Variants in KLF6 observed in about 807,000 individuals in gnomAD.
KLF6 encodes Krueppel-like factor 6.
For missense variants in KLF6, 233 were observed against 359.8 expected (o/e 0.65, Z 2.85); for synonymous variants, 152 against 147.9 (o/e 1.03, Z -0.20).
rs762752613 is a variant in KLF6, at chr10:3,784,928, C to G, written c.87G>C (p.Glu29Asp). The G allele has an allele frequency of 6.2e-7, 1 of 1,606,308 alleles. No homozygotes were observed. The stretch of plus-strand genomic sequence containing the variant: ...CTGCGTTTACCTGTTGCCAGTACTC[C>G]TCCAGAGACGGCAGCGCCGAGAAGT... Reference protein sequence around the residue: ...TGYFSALPSLEEYWQQTCLEL... With the variant: ...TGYFSALPSLDEYWQQTCLEL... The change falls in exon 1 of 4, where the codon GAG becomes GAC. Residue 29 changes from glutamate (E) to aspartate (D), a missense_variant. Glu to Asp is a conservative substitution (Grantham distance 45). Coordinates refer to ENST00000497571, the MANE Select transcript of KLF6 (RefSeq NM_001300.6).
At position 3,777,002 on chromosome 10, in the gene KLF6, CA is replaced by C; in HGVS notation, c.*2536del. 1 of 516,020 alleles carries C rather than the reference CA, an allele frequency of 1.9e-6. No individual in the cohort carries two copies. Among genetic ancestry groups the C allele is most frequent in the Non-Finnish European group, 3.8e-6 (1 of 265,342 alleles). The allele number at this position is 516,020 out of a possible 1,614,324, so 32.0% of individuals were successfully genotyped here. A position where few individuals can be genotyped will look rare whatever the true frequency, so the allele number is the denominator to read the frequency against. ...TGTTATGGCTAAGCACATAGAAGGC[CA>C]AAAAAGGAGTTTTCCAAACCCAGCA... On this transcript the variant is annotated 3_prime_UTR_variant, in exon 4 of 4. Coordinates refer to ENST00000497571, the MANE Select transcript of KLF6 (RefSeq NM_001300.6).
chr10:3,779,605 C>T lies in KLF6; in HGVS notation c.801-15G>A. ...TGGAAAAACACCTGCAAGGGCAAAT[C>T]AGAAGCACAGAAGAAGTTAGGTTCC... is the stretch of plus-strand genomic sequence containing the variant. On this transcript the variant is annotated splice_polypyrimidine_tract_variant and intron_variant, in intron 3 of 3. Coordinates refer to ENST00000497571, the MANE Select transcript of KLF6 (RefSeq NM_001300.6). 1 of 1,613,608 alleles carries T rather than the reference C, an allele frequency of 6.2e-7. No individual in the cohort carries two copies. Among genetic ancestry groups the T allele is most frequent in the Admixed American group, 1.7e-5 (1 of 60,026 alleles).
Position 3,781,103 on chromosome 10 carries a change from T to C in KLF6, c.676+538A>G, listed in dbSNP as rs544229613. On this transcript the variant is annotated intron_variant, in intron 2 of 3. Coordinates refer to ENST00000497571, the MANE Select transcript of KLF6 (RefSeq NM_001300.6). This position sits in a 1 kb window ranked among gnomAD's most constrained non-coding sequence, Gnocchi z 5.8. Reference sequence around the variant, plus strand: ...TTCATTAAGAAACTGTTTCAAGCGGTATCAGAAACAAAGGCTGCATGAGAC... The same window carrying C: ...TTCATTAAGAAACTGTTTCAAGCGGCATCAGAAACAAAGGCTGCATGAGAC... 5.2e-6 allele frequency: 1 copy of C among 193,014 alleles called. No individual in the cohort carries two copies. Among genetic ancestry groups the C allele is most frequent in the Admixed American group, 5.6e-5 (1 of 17,920 alleles). The allele number at this position is 193,014 out of a possible 1,614,324, so 12.0% of individuals were successfully genotyped here.
rs368648910 is a variant in KLF6 at position 3,780,237 on chromosome 10, G to A, written c.677-8C>T. The A allele has an allele frequency of 1.2e-5, 19 of 1,613,442 alleles. 1 individual carries two copies. The highest frequency in any genetic ancestry group is 2.2e-5 in the East Asian group (1 of 44,900). ...ATCTGTAAGGCTTTTCTCCTGGGGA[G>A]AGAGCACAGGACAAGCAGCCCATGA... On this transcript the variant is annotated splice_region_variant and splice_polypyrimidine_tract_variant and intron_variant, in intron 2 of 3. Transcript: ENST00000497571. This position sits in a 1 kb window ranked among gnomAD's most constrained non-coding sequence, Gnocchi z 4.6.
Position 3,781,208 on chromosome 10 carries a change from G to T in KLF6, c.676+433C>A. The T allele has an allele frequency of 2.4e-6, 1 of 410,320 alleles. No individual in the cohort carries two copies. Among genetic ancestry groups the T allele is most frequent in the Non-Finnish European group, 4.3e-6 (1 of 230,768 alleles). The allele number at this position is 410,320 out of a possible 1,614,324, so 25.4% of individuals were successfully genotyped here. A position where few individuals can be genotyped will look rare whatever the true frequency, so the allele number is the denominator to read the frequency against. On this transcript the variant is annotated intron_variant, in intron 2 of 3. Transcript: ENST00000497571. This position sits in a 1 kb window ranked among gnomAD's most constrained non-coding sequence, Gnocchi z 5.8. ...GCCGGTCCCACTCGGGCCTCGGGCC[G>T]TCAGCATCAAACCCACACACTCCAC...
rs1832613054 is a variant in KLF6 at position 3,784,787 on chromosome 10, C to T, written c.102+126G>A. On this transcript the variant is annotated intron_variant, in intron 1 of 3. Coordinates refer to ENST00000497571, the MANE Select transcript of KLF6 (RefSeq NM_001300.6). ...GATCGATCGGCGGGGGCGCTGCGCC[C>T]GCTCCCCCGGTGACAGCGCGGGGCC... The T allele has an allele frequency of 8.0e-6, 7 of 874,074 alleles. No individual in the cohort carries two copies. In the Admixed American group the frequency reaches 2.4e-4, roughly 30 times the overall value. 54.1% of individuals were successfully genotyped at this position (874,074 alleles called of 1,614,324 possible).
Position 3,782,264 on chromosome 10 carries a change from G to T in KLF6, c.103-50C>A. 6.6e-7 allele frequency: 1 copy of T among 1,514,536 alleles called. No individual in the cohort carries two copies. The highest frequency in any genetic ancestry group is 9.1e-7 in the Non-Finnish European group (1 of 1,103,070). 93.8% of individuals were successfully genotyped at this position (1,514,536 alleles called of 1,614,324 possible). The stretch of plus-strand genomic sequence containing the variant: ...CACGTGATTGCCATGACGACCAAAA[G>T]TAAAAGCAAAAGCAATTTCCAAAAA... On this transcript the variant is annotated intron_variant, in intron 1 of 3. Transcript: ENST00000497571. This position sits in a 1 kb window ranked among gnomAD's most constrained non-coding sequence, Gnocchi z 4.3.
intron 1 of KLF6, among the ~76,000 whole-genome samples, chr10:3,784,601 CA>C (rs140187751): frequency 4.0e-5 from 6 of 148,446 alleles, no homozygotes; most frequent in East Asian, 3.9e-4. Context: ...AACAAACAAA[CA>C]AAAAAAAAAC....
Position 3,776,766 on chromosome 10 carries a change from CT to C in KLF6, c.*2772del, listed in dbSNP as rs1564292092. 2 of 481,700 alleles carry C rather than the reference CT, an allele frequency of 4.2e-6. No homozygotes were observed. The highest frequency in any genetic ancestry group is 7.9e-6 in the Non-Finnish European group (2 of 253,596). The allele number at this position is 481,700 out of a possible 1,614,324, so 29.8% of individuals were successfully genotyped here. A position where few individuals can be genotyped will look rare whatever the true frequency, so the allele number is the denominator to read the frequency against. On this transcript the variant is annotated 3_prime_UTR_variant, in exon 4 of 4. Coordinates refer to ENST00000497571, the MANE Select transcript of KLF6 (RefSeq NM_001300.6). ...TTTTTTAATTTCAAGCAAAAAGTTT[CT>C]GCTTGATTGAGGCTCAGTTATCACC...
chr10:3,782,343 AC>A lies in KLF6; in HGVS notation c.103-130del, dbSNP rs149018945. The A allele has an allele frequency of 2.8e-4, 213 of 750,522 alleles. No homozygotes were observed. In the African/African-American group the frequency reaches 3.4e-3, roughly 12 times the overall value. 46.5% of individuals were successfully genotyped at this position (750,522 alleles called of 1,614,324 possible). ...GCTGCCCGGTCACTACAGGGGCAAA[AC>A]CTTTTGTAATTAAGCATCCGTGTCC... On this transcript the variant is annotated intron_variant, in intron 1 of 3. Transcript: ENST00000497571. The surrounding 1 kb of genome is among the most constrained non-coding windows in gnomAD (Gnocchi z 4.3).
rs532789597 is a variant in KLF6, at chr10:3,782,489, C to T, written c.103-275G>A. Among the ~76,000 whole-genome samples, 72 of 152,322 alleles carry T rather than the reference C, an allele frequency of 4.7e-4. No homozygotes were observed. Among genetic ancestry groups the T allele is most frequent in the African/African-American group, 1.6e-3 (67 of 41,578 alleles). On this transcript the variant is annotated intron_variant, in intron 1 of 3. Transcript: ENST00000497571. This position sits in a 1 kb window ranked among gnomAD's most constrained non-coding sequence, Gnocchi z 4.3. ...CAAGGGCCACAATGAGTGATGATCA[C>T]TAAGCCGGTTTTTTTGTTGTAGTTA... is the stretch of plus-strand genomic sequence containing the variant.
chr10:3,782,039 G>C lies in KLF6; in HGVS notation c.278C>G (p.Pro93Arg), dbSNP rs1162850438. The change falls in exon 2 of 4, where the codon CCG becomes CGG. Residue 93 changes from proline to arginine, a missense_variant. Coordinates refer to ENST00000497571, the MANE Select transcript of KLF6 (RefSeq NM_001300.6). The surrounding 1 kb of genome is among the most constrained non-coding windows in gnomAD (Gnocchi z 4.3). ...GGTCTCTAAGTTGTAACAAAAGCTC[G>C]GGCTGATGAGAGTGTCCTCTGGAGG... ...SSPPEDTLIS[P>R]SFCYNLETNS... The C allele has an allele frequency of 6.8e-6, 11 of 1,614,172 alleles. No homozygotes were observed. Among genetic ancestry groups the C allele is most frequent in the East Asian group, 2.2e-5 (1 of 44,888 alleles).
Position 3,778,265 on chromosome 10 carries a change from C to A in KLF6, c.*1274G>T. The A allele has an allele frequency of 1.9e-6, 1 of 527,288 alleles. No individual in the cohort carries two copies. Among genetic ancestry groups the A allele is most frequent in the Non-Finnish European group, 3.7e-6 (1 of 272,002 alleles). 32.7% of individuals were successfully genotyped at this position (527,288 alleles called of 1,614,324 possible). A position where few individuals can be genotyped will look rare whatever the true frequency, so the allele number is the denominator to read the frequency against. On this transcript the variant is annotated 3_prime_UTR_variant, in exon 4 of 4. Coordinates refer to ENST00000497571, the MANE Select transcript of KLF6 (RefSeq NM_001300.6). The stretch of plus-strand genomic sequence containing the variant: ...TCGCCCACACCCCTGTATGAGACCC[C>A]CACAGAAGGGATCGCTTGCGTAAGG...
At position 3,779,033 on chromosome 10, in the gene KLF6, GTTTT is replaced by G. The variant is rs1366165543; in HGVS notation, c.*502_*505del. On this transcript the variant is annotated 3_prime_UTR_variant, in exon 4 of 4. Coordinates refer to ENST00000497571, the MANE Select transcript of KLF6 (RefSeq NM_001300.6). ...AGATTTTCCTTCTTTTTTTGTTTTT[GTTTT>G]TTTGTTTTTTTGATTTTTCTTTTTT... The G allele has an allele frequency of 3.8e-6, 2 of 525,674 alleles. No individual in the cohort carries two copies. Among genetic ancestry groups the G allele is most frequent in the African/African-American group, 1.9e-5 (1 of 52,690 alleles). The allele number at this position is 525,674 out of a possible 1,614,324, so 32.6% of individuals were successfully genotyped here.
In KLF6 at chr10:3,776,932, CT is replaced by C. The variant is rs751886217; in HGVS notation, c.*2606del. On this transcript the variant is annotated 3_prime_UTR_variant, in exon 4 of 4. Transcript: ENST00000497571. ...AAGCCAGTGCAAGTTTTTTTTTTTC[CT>C]TTTTTTTTTTTTGTCTTTTGCTTAC... is the stretch of plus-strand genomic sequence containing the variant. 0.073 allele frequency: 25,316 copies of C among 347,880 alleles called. 1 individual carries two copies. The highest frequency in any genetic ancestry group is 0.1 in the East Asian group (1,612 of 15,424). 21.5% of individuals were successfully genotyped at this position (347,880 alleles called of 1,614,324 possible). A position where few individuals can be genotyped will look rare whatever the true frequency, so the allele number is the denominator to read the frequency against.
In KLF6 at chr10:3,781,836, G is replaced by A. The variant is rs754151435; in HGVS notation, c.481C>T (p.Leu161=). Residue 161 remains leucine (L), a synonymous_variant, in exon 2 of 4, where the codon CTG becomes TTG. Transcript: ENST00000497571. The surrounding 1 kb of genome is among the most constrained non-coding windows in gnomAD (Gnocchi z 5.8). ...SPELSREPSQ[L]WGCVPGELPS... is the part of the protein sequence containing the mutation. ...AGCTCCCCGGGCACGCAACCCCACAGTTGAGAAGGTTCCCTGCTCAGTTCC... is the reference window on the plus strand; with the variant it reads ...AGCTCCCCGGGCACGCAACCCCACAATTGAGAAGGTTCCCTGCTCAGTTCC... The A allele has an allele frequency of 3.1e-6, 5 of 1,614,108 alleles. No individual in the cohort carries two copies. The African/African-American group carries it at 4.0e-5, about 13-fold the overall frequency.
Position 3,781,226 on chromosome 10 carries a change from C to G in KLF6, c.676+415G>C, listed in dbSNP as rs140087885. 279 of 477,740 alleles carry G rather than the reference C, an allele frequency of 5.8e-4. 1 individual carries two copies. In the East Asian group the frequency reaches 9.8e-3, roughly 17 times the overall value. The allele number at this position is 477,740 out of a possible 1,614,324, so 29.6% of individuals were successfully genotyped here. On this transcript the variant is annotated intron_variant, in intron 2 of 3. Coordinates refer to ENST00000497571, the MANE Select transcript of KLF6 (RefSeq NM_001300.6). This position sits in a 1 kb window ranked among gnomAD's most constrained non-coding sequence, Gnocchi z 5.8. The stretch of plus-strand genomic sequence containing the variant: ...TCGGGCCGTCAGCATCAAACCCACA[C>G]ACTCCACGCTGCCCAGCAACCCTCT...
At chr10:3,783,536 C>A (rs1436462660) in intron 1 of KLF6, among the ~76,000 whole-genome samples, 3 of 152,158 alleles carry the variant, frequency 2.0e-5, no homozygotes, top group Admixed American at 6.5e-5. Context: ...AATCCCTCCC[C>A]CTCCCCAGGC....
intron 1 of KLF6, among the ~76,000 whole-genome samples, chr10:3,784,685 G>C (rs530430990): frequency 6.6e-6 from 1 of 152,172 alleles, no homozygotes; most frequent in Non-Finnish European, 1.5e-5. Flanking sequence ...GACAGGCTCC[G>C]AACTCGTGCC....
Sources: allele counts gnomAD v4.1 joint callset (sites outside exome capture counted in the v4.1 genomes callset), GRCh38; gene constraint gnomAD v4.1.1; non-coding constraint Gnocchi (gnomAD v3.1); transcripts MANE v1.5; gene names NCBI Gene and HGNC (gene_info 2026-07-23, HGNC 2026-07-21).